The following PDE11A variants were observed in gnomAD, a reference collection of about 807,000 sequenced individuals.
The protein encoded by PDE11A is phosphodiesterase 11A, also known as dual 3',5'-cyclic-AMP and -GMP phosphodiesterase 11A.
In PDE11A, 100 loss-of-function variants were observed where a neutral mutation model predicts 100.5. The ratio of observed to expected loss-of-function variants is 1.00; its 90% CI spans 0.85 to 1.18. PDE11A has a LOEUF of 1.18. Ranked by LOEUF, PDE11A falls within the 50% of genes most tolerant of loss-of-function variation. The pLI is 0.00. For synonymous variants in PDE11A, 381 were observed against 420.8 expected (o/e 0.91, Z 1.16); for missense variants, 1,141 against 1,152.6 (o/e 0.99, Z 0.15).
At chr2:177,960,643 A>C (rs2085620388) in intron 2 of PDE11A, among the ~76,000 whole-genome samples, 1 of 151,980 alleles carries the variant, frequency 6.6e-6, no homozygotes, top group Non-Finnish European at 1.5e-5. Context: ...TGTCTAAAAC[A>C]GAAAAGCTGC....
chr2:177,636,317 G>A (rs937289322), intron 19 of PDE11A, among the ~76,000 whole-genome samples: 13 of 152,218 alleles, frequency 8.5e-5, no homozygotes, highest in Middle Eastern at 3.4e-3. Context: ...TATCACTGAA[G>A]CATCATAATC....
At chr2:177,750,209 T>C (rs1292242441) in intron 10 of PDE11A, among the ~76,000 whole-genome samples, 1 of 152,188 alleles carries the variant, frequency 6.6e-6, no homozygotes, top group Admixed American at 6.5e-5. Context: ...TGTCTCTGGG[T>C]ATACTAAGGC....
intron 2 of PDE11A, among the ~76,000 whole-genome samples, chr2:177,910,562 G>T (rs1462180780): frequency 6.6e-6 from 1 of 152,006 alleles, no homozygotes; most frequent in Non-Finnish European, 1.5e-5. Flanking sequence ...AATGCCAAAG[G>T]TCTAAAAAGC....
At chr2:177,770,134 G>C (rs991927515) in intron 9 of PDE11A, among the ~76,000 whole-genome samples, 3 of 152,154 alleles carry the variant, frequency 2.0e-5, no homozygotes, top group Admixed American at 2.0e-4. Flanking sequence ...TAAGAGGATT[G>C]TGCTTCCCTG....
At chr2:177,677,225 C>A (rs112314558) in intron 16 of PDE11A, among the ~76,000 whole-genome samples, 1 of 152,172 alleles carries the variant, frequency 6.6e-6, no homozygotes, top group Non-Finnish European at 1.5e-5. Context: ...TAATAGCTAC[C>A]ACTTATTGGG....
intron 5 of PDE11A, among the ~76,000 whole-genome samples, chr2:177,842,828 A>G (rs1256495973): frequency 1.3e-5 from 2 of 151,972 alleles, no homozygotes; most frequent in Non-Finnish European, 2.9e-5. Flanking sequence ...GAGTGGGGAG[A>G]TAGGGGAAAG....
chr2:177,723,905 T>G (rs2081564506), intron 12 of PDE11A, among the ~76,000 whole-genome samples: 1 of 152,156 alleles, frequency 6.6e-6, no homozygotes, highest in Non-Finnish European at 1.5e-5. Flanking sequence ...GCAGAGTCAT[T>G]TCCGATATCT....
At chr2:177,833,269 C>A (rs2083339906) in intron 6 of PDE11A, among the ~76,000 whole-genome samples, 1 of 152,174 alleles carries the variant, frequency 6.6e-6, no homozygotes, top group African/African-American at 2.4e-5. Flanking sequence ...GTGACTATAT[C>A]TGCACAGTTT....
At chr2:177,854,457 C>T (rs551956288) in intron 5 of PDE11A, among the ~76,000 whole-genome samples, 2 of 152,108 alleles carry the variant, frequency 1.3e-5, no homozygotes, top group South Asian at 4.2e-4. Flanking sequence ...TGATGTTTAG[C>T]TCTTATAATT....
chr2:177,666,477 G>A (rs901734287), intron 18 of PDE11A, among the ~76,000 whole-genome samples: 1 of 152,174 alleles, frequency 6.6e-6, no homozygotes, highest in African/African-American at 2.4e-5. Context: ...TTGACAAACT[G>A]TTTTTCAAAA....
intron 4 of PDE11A, among the ~76,000 whole-genome samples, chr2:177,886,133 T>C (rs1012561648): frequency 4.6e-5 from 7 of 151,872 alleles, no homozygotes; most frequent in Admixed American, 2.6e-4. Flanking sequence ...CTAAGAGAAG[T>C]GATAGGAATT....
chr2:178,084,982 A>G (rs148088312), intron 2 of PDE11A, among the ~76,000 whole-genome samples: 2 of 152,296 alleles, frequency 1.3e-5, no homozygotes, highest in East Asian at 3.9e-4. Context: ...TGGCTCTTGG[A>G]CTTTCCTTAT....
intron 1 of PDE11A, among the ~76,000 whole-genome samples, chr2:178,020,597 GC>G (rs569428242): frequency 1.1e-3 from 166 of 152,268 alleles, no homozygotes; most frequent in African/African-American, 3.8e-3. Flanking sequence ...TTCAAGACCA[GC>G]CTGGTCAACA....
chr2:177,630,415 C>T (rs910245753), intron 19 of PDE11A, among the ~76,000 whole-genome samples: 1 of 152,158 alleles, frequency 6.6e-6, no homozygotes, highest in South Asian at 2.1e-4. Context: ...AGATGGCTTA[C>T]TTTAATTTAA....
chr2:177,898,207 G>A lies in PDE11A; in HGVS notation c.1162-9C>T. Reference sequence around the variant, plus strand: ...ACCACCTCTAGCAAAGCCTAGAAAAGATGAAATAGATGTATATAAGTGGAT... The same window carrying A: ...ACCACCTCTAGCAAAGCCTAGAAAAAATGAAATAGATGTATATAAGTGGAT... On this transcript the variant is annotated splice_polypyrimidine_tract_variant and intron_variant, in intron 3 of 19. Coordinates refer to ENST00000286063, the MANE Select transcript of PDE11A (RefSeq NM_016953.4). The A allele has an allele frequency of 1.3e-6, 2 of 1,588,696 alleles. No individual in the cohort carries two copies. Among genetic ancestry groups the A allele is most frequent in the Non-Finnish European group, 1.7e-6 (2 of 1,156,956 alleles).
intron 2 of PDE11A, among the ~76,000 whole-genome samples, chr2:177,932,245 C>T (rs2085217431): frequency 6.6e-6 from 1 of 152,100 alleles, no homozygotes; most frequent in Non-Finnish European, 1.5e-5. Flanking sequence ...AGAGCTGGTA[C>T]CAATTCTACT....
intron 12 of PDE11A, among the ~76,000 whole-genome samples, chr2:177,719,710 T>C (rs961708658): frequency 1.3e-5 from 2 of 152,162 alleles, no homozygotes; most frequent in African/African-American, 2.4e-5. Context: ...AGAAGAAGCA[T>C]TTAATTTCTG....
intron 13 of PDE11A, among the ~76,000 whole-genome samples, chr2:177,706,895 G>GT (rs71010816): frequency 0.67 from 100,528 of 150,194 alleles, 35,325 homozygotes; most frequent in East Asian, 0.83. Context: ...CTCGGTTTTT[G>GT]TTTTTTTTTG....
intron 9 of PDE11A, among the ~76,000 whole-genome samples, chr2:177,775,462 C>T (rs150246373): frequency 6.6e-6 from 1 of 152,312 alleles, no homozygotes; most frequent in Non-Finnish European, 1.5e-5. Flanking sequence ...TGGCTTCCCA[C>T]TGCACTTTTG....
Sources: allele counts gnomAD v4.1 joint callset (sites outside exome capture counted in the v4.1 genomes callset), GRCh38; gene constraint gnomAD v4.1.1; transcripts MANE v1.5; gene names NCBI Gene and HGNC (gene_info 2026-07-23, HGNC 2026-07-21).